The following HAO1 variants were observed in gnomAD, a reference collection of about 807,000 sequenced individuals.
HAO1 encodes the protein hydroxyacid oxidase 1, also known as 2-Hydroxyacid oxidase 1.
In HAO1, 34 loss-of-function variants were observed where a neutral mutation model predicts 39.7. The ratio of observed to expected loss-of-function variants is 0.86; its 90% confidence interval spans 0.65 to 1.14. The LOEUF is 1.14. Among genes scored for constraint, HAO1 ranks in the 50% most tolerant of loss-of-function variants. The probability of loss-of-function intolerance (pLI) is 0.00; values close to 1 mark genes in which losing one functional copy is unlikely to be tolerated. For missense variants in HAO1, 479 were observed against 464.5 expected, an observed-to-expected ratio of 1.03 and a Z score of -0.29; for synonymous variants, 172 against 173.2, an observed-to-expected ratio of 0.99 and a Z score of 0.05.
At chr20:7,916,349 T>G (rs6086282) in intron 2 of HAO1, among the ~76,000 whole-genome samples, 1 of 152,080 alleles carries the variant, frequency 6.6e-6, no homozygotes, top group Non-Finnish European at 1.5e-5. Context: ...GACTCATCTG[T>G]GTGCCTACCA....
At chr20:7,896,987 T>A (rs1328079489) in intron 4 of HAO1, among the ~76,000 whole-genome samples, 1 of 152,168 alleles carries the variant, frequency 6.6e-6, no homozygotes, top group African/African-American at 2.4e-5. Context: ...TTCTCATTTG[T>A]TTGTAGTAGA....
At chr20:7,907,372 T>A (rs1042179188) in intron 3 of HAO1, among the ~76,000 whole-genome samples, 9 of 152,164 alleles carry the variant, frequency 5.9e-5, no homozygotes, top group African/African-American at 1.7e-4. Flanking sequence ...CCCTCACCGC[T>A]AGGTAGACTA....
chr20:7,937,169 A>T (rs2050416778), intron 1 of HAO1, among the ~76,000 whole-genome samples: 1 of 152,100 alleles, frequency 6.6e-6, no homozygotes, highest in Admixed American at 6.5e-5. Flanking sequence ...TTTAACTTAT[A>T]AAAAAATCAA....
intron 3 of HAO1, among the ~76,000 whole-genome samples, chr20:7,910,793 T>C (rs147752427): frequency 6.6e-6 from 1 of 152,248 alleles, no homozygotes; most frequent in African/African-American, 2.4e-5. Context: ...GCCATACTTA[T>C]CAATGTGAAT....
chr20:7,922,032 A>T (rs1460394082), intron 2 of HAO1, among the ~76,000 whole-genome samples: 1 of 152,094 alleles, frequency 6.6e-6, no homozygotes, highest in East Asian at 1.9e-4. Flanking sequence ...TGATGGATTC[A>T]TTTGCACTCC....
At chr20:7,937,318 C>A (rs1316773888) in intron 1 of HAO1, among the ~76,000 whole-genome samples, 1 of 152,004 alleles carries the variant, frequency 6.6e-6, no homozygotes, top group Admixed American at 6.6e-5. Context: ...TTGTGTAATC[C>A]TATAATACTG....
At chr20:7,887,018 G>C (rs148907413) in intron 5 of HAO1, among the ~76,000 whole-genome samples, 2 of 152,156 alleles carry the variant, frequency 1.3e-5, no homozygotes, top group African/African-American at 4.8e-5. Flanking sequence ...CACCTAGCTA[G>C]TACCAAGCCT....
intron 5 of HAO1, among the ~76,000 whole-genome samples, chr20:7,892,670 C>T (rs949252333): frequency 7.2e-5 from 11 of 151,938 alleles, no homozygotes; most frequent in East Asian, 3.9e-4. Flanking sequence ...TGAAGGGTTC[C>T]GATAAAAGGG....
chr20:7,939,081 G>T (rs2050427755), intron 1 of HAO1, among the ~76,000 whole-genome samples: 1 of 149,972 alleles, frequency 6.7e-6, no homozygotes, highest in African/African-American at 2.5e-5. Flanking sequence ...GGCCCAAGAA[G>T]GGGCATCTTC....
intron 2 of HAO1, among the ~76,000 whole-genome samples, chr20:7,924,886 G>A (rs1054226044): frequency 6.6e-6 from 1 of 152,090 alleles, no homozygotes; most frequent in Non-Finnish European, 1.5e-5. Flanking sequence ...TTGAGAAAAC[G>A]CATTTTGTCA....
At chr20:7,917,952 C>T (rs2050314617) in intron 2 of HAO1, among the ~76,000 whole-genome samples, 1 of 152,142 alleles carries the variant, frequency 6.6e-6, no homozygotes, top group Non-Finnish European at 1.5e-5. Context: ...CAAGTTTGGT[C>T]CATACCATCT....
chr20:7,915,351 A>G (rs886738359), intron 2 of HAO1, among the ~76,000 whole-genome samples: 1 of 151,960 alleles, frequency 6.6e-6, no homozygotes, highest in African/African-American at 2.4e-5. Flanking sequence ...GAGAATAAGA[A>G]GAAGGGGAAG....
intron 2 of HAO1, among the ~76,000 whole-genome samples, chr20:7,917,486 T>G (rs968515995): frequency 1.3e-5 from 2 of 152,078 alleles, no homozygotes; most frequent in Non-Finnish European, 1.5e-5. Flanking sequence ...AATGACTCCC[T>G]GGTACCATGC....
At chr20:7,891,580 A>G (rs973982753) in intron 5 of HAO1, among the ~76,000 whole-genome samples, 1 of 151,988 alleles carries the variant, frequency 6.6e-6, no homozygotes, top group Non-Finnish European at 1.5e-5. Flanking sequence ...TTTCTATTGC[A>G]TTTGCTTTTG....
intron 4 of HAO1, among the ~76,000 whole-genome samples, chr20:7,896,323 G>A (rs1042083775): frequency 3.3e-5 from 5 of 152,046 alleles, no homozygotes; most frequent in African/African-American, 9.7e-5. Flanking sequence ...AAACCAACTG[G>A]TTCAAGAGCG....
At chr20:7,888,035 T>C (rs1191292119) in intron 5 of HAO1, among the ~76,000 whole-genome samples, 1 of 152,218 alleles carries the variant, frequency 6.6e-6, no homozygotes, top group Non-Finnish European at 1.5e-5. Context: ...CAGCTTTCTA[T>C]ACATCTGTGA....
At chr20:7,936,026 A>T (rs528298827) in intron 1 of HAO1, among the ~76,000 whole-genome samples, 1 of 152,342 alleles carries the variant, frequency 6.6e-6, no homozygotes. Flanking sequence ...GAAGAAAAAG[A>T]AAAAGCCCTT....
At chr20:7,929,250 C>T (rs998302819) in intron 2 of HAO1, among the ~76,000 whole-genome samples, 2 of 151,980 alleles carry the variant, frequency 1.3e-5, no homozygotes, top group Non-Finnish European at 2.9e-5. Context: ...ATGGAATATA[C>T]TTTTCTGAAA....
At position 7,916,202 on chromosome 20, in the gene HAO1, G is replaced by A. The variant is rs1228724539; in HGVS notation, c.290-1783C>T. ...TAAAATTGGAGTAAAATTGGAGTCAGCCTTAGTGGAGGAGAAACTGATATA... is the reference window on the plus strand; with the variant it reads ...TAAAATTGGAGTAAAATTGGAGTCAACCTTAGTGGAGGAGAAACTGATATA... On this transcript the variant is annotated intron_variant, in intron 2 of 7. Transcript: ENST00000378789. Among the ~76,000 whole-genome samples the A allele has an allele frequency of 2.6e-5, 4 of 152,102 alleles. No homozygotes were observed. In the East Asian group the frequency reaches 7.7e-4, roughly 29 times the overall value.
Sources: allele counts gnomAD v4.1 joint callset (sites outside exome capture counted in the v4.1 genomes callset), GRCh38; gene constraint gnomAD v4.1.1; transcripts MANE v1.5; gene names NCBI Gene and HGNC (gene_info 2026-07-23, HGNC 2026-07-21).